RHBDL2: variants seen among roughly 807,000 people sequenced by gnomAD.
The protein encoded by RHBDL2 is rhomboid-related protein 2.
A neutral mutation model predicts 31.7 loss-of-function variants in RHBDL2; 26 were observed. That is an observed-to-expected ratio of 0.82 (90% CI 0.60 to 1.14). RHBDL2 has a LOEUF of 1.14. RHBDL2 is among the 50% of genes most tolerant of loss of function. The pLI is 0.00. For missense variants in RHBDL2, 336 were observed against 364.4 expected (o/e 0.92, Z 0.63); for synonymous variants, 123 against 127.2 (o/e 0.97, Z 0.22).
intron 1 of RHBDL2, among the ~76,000 whole-genome samples, chr1:38,933,027 C>T (rs913418509): frequency 9.2e-5 from 14 of 152,262 alleles, no homozygotes; most frequent in South Asian, 2.1e-4. Flanking sequence ...TATTAACTCT[C>T]GGCTTAAAAA....
chr1:38,921,455 G>T (rs1440825126), intron 1 of RHBDL2, among the ~76,000 whole-genome samples: 2 of 152,160 alleles, frequency 1.3e-5, no homozygotes, highest in Non-Finnish European at 2.9e-5. Flanking sequence ...GCTGTGGATG[G>T]ATGAATGAGT....
chr1:38,927,992 G>A (rs184260958), intron 1 of RHBDL2, among the ~76,000 whole-genome samples: 11 of 152,074 alleles, frequency 7.2e-5, no homozygotes, highest in African/African-American at 2.7e-4. Flanking sequence ...TGATTTCTAC[G>A]CACCAAGTGT....
At chr1:38,936,527 T>C (rs1285827268) in intron 1 of RHBDL2, among the ~76,000 whole-genome samples, 1 of 147,446 alleles carries the variant, frequency 6.8e-6, no homozygotes, top group Non-Finnish European at 1.5e-5. Flanking sequence ...CAAGATGGAG[T>C]TTTGCTCTTG....
intron 4 of RHBDL2, among the ~76,000 whole-genome samples, chr1:38,901,052 T>G (rs1326402126): frequency 2.3e-5 from 1 of 44,052 alleles, no homozygotes; most frequent in African/African-American, 1.2e-4. Context: ...CATCTCTAAA[T>G]AGATAAATAA....
intron 4 of RHBDL2, among the ~76,000 whole-genome samples, chr1:38,897,325 C>T (rs1255144311): frequency 1.3e-5 from 2 of 152,180 alleles, no homozygotes; most frequent in Non-Finnish European, 2.9e-5. Context: ...TGGTCTCGAT[C>T]TCCTGACCTC....
At chr1:38,892,070 C>G (rs1481296671) in intron 6 of RHBDL2, among the ~76,000 whole-genome samples, 7 of 152,212 alleles carry the variant, frequency 4.6e-5, no homozygotes, top group Non-Finnish European at 1.0e-4. Context: ...CCTCTCCAGA[C>G]AGCATTCTTC....
intron 1 of RHBDL2, among the ~76,000 whole-genome samples, chr1:38,919,549 TG>T (rs1401798615): frequency 6.8e-6 from 1 of 147,516 alleles, no homozygotes; most frequent in African/African-American, 2.4e-5. Context: ...TAAATTGTGG[TG>T]AAATACACAT....
At chr1:38,902,247 C>A (rs1445325216) in intron 4 of RHBDL2, among the ~76,000 whole-genome samples, 1 of 133,020 alleles carries the variant, frequency 7.5e-6, no homozygotes, top group African/African-American at 2.7e-5. Flanking sequence ...ACTCTGTCGC[C>A]CAGGCTGGAA....
intron 4 of RHBDL2, among the ~76,000 whole-genome samples, chr1:38,897,222 T>C (rs964446268): frequency 2.6e-5 from 4 of 151,778 alleles, no homozygotes; most frequent in African/African-American, 9.7e-5. Flanking sequence ...TGCCTCAGCC[T>C]CCCGAGCAGC....
chr1:38,898,579 G>A (rs1642947748), intron 4 of RHBDL2, among the ~76,000 whole-genome samples: 1 of 152,148 alleles, frequency 6.6e-6, no homozygotes, highest in South Asian at 2.1e-4. Context: ...CAGGGAATCA[G>A]TTATTAATAG....
chr1:38,933,802 C>T (rs1466529935), intron 1 of RHBDL2, among the ~76,000 whole-genome samples: 2 of 150,816 alleles, frequency 1.3e-5, no homozygotes, highest in African/African-American at 4.9e-5. Flanking sequence ...AATCTTGGCT[C>T]ACTGCAACAT....
At chr1:38,894,707 C>CTTTTTTTTTTTTTTTTTTTTTT (rs71057159) in intron 5 of RHBDL2, among the ~76,000 whole-genome samples, 3 of 114,192 alleles carry the variant, frequency 2.6e-5, no homozygotes, top group Non-Finnish European at 3.4e-5. Context: ...CTTTTTTTTT[C>CTTTTTTTTTTTTTTTTTTTTTT]TTTTTTTTTT....
At position 38,926,325 on chromosome 1, in the gene RHBDL2, T is replaced by G. The variant is rs12404998; in HGVS notation, c.-125-6988A>C. On this transcript the variant is annotated intron_variant, in intron 1 of 7. Transcript: ENST00000372990. ...GTGGCTGTGACAAAGGCAGCAGCACTGGGCGTTCAGCAGCAGCAGCACTGA... is the reference window on the plus strand; with the variant it reads ...GTGGCTGTGACAAAGGCAGCAGCACGGGGCGTTCAGCAGCAGCAGCACTGA... The G allele has an allele frequency of 2.9e-3, 1,307 of 458,086 alleles. 41 individuals carry two copies. In the Admixed American group the frequency reaches 0.067, roughly 23 times the overall value. 28.4% of individuals were successfully genotyped at this position (458,086 alleles called of 1,614,324 possible).
intron 1 of RHBDL2, among the ~76,000 whole-genome samples, chr1:38,941,151 T>C (rs1290884414): frequency 6.6e-6 from 1 of 152,100 alleles, no homozygotes; most frequent in African/African-American, 2.4e-5. Context: ...AAATGAACAC[T>C]AATGAATAAA....
chr1:38,929,680 TG>T, intron 1 of RHBDL2: 4 of 708,202 alleles, frequency 5.6e-6, no homozygotes, highest in Non-Finnish European at 5.2e-6. Flanking sequence ...GCTGCCCAGC[TG>T]GGGCTGCCAG....
intron 1 of RHBDL2, chr1:38,926,220 T>A (rs1643373031): frequency 2.7e-6 from 3 of 1,105,738 alleles, no homozygotes; most frequent in Non-Finnish European, 3.3e-6. Flanking sequence ...TTTACAGTGG[T>A]TGCAGCAGTG....
chr1:38,891,879 C>G (rs1354377861), intron 6 of RHBDL2, among the ~76,000 whole-genome samples: 3 of 152,192 alleles, frequency 2.0e-5, no homozygotes, highest in Admixed American at 6.5e-5. Flanking sequence ...CCTTGGCTTT[C>G]AGGTCTGACC....
intron 4 of RHBDL2, among the ~76,000 whole-genome samples, chr1:38,910,869 C>G (rs1176960006): frequency 6.6e-6 from 1 of 151,492 alleles, no homozygotes; most frequent in African/African-American, 2.4e-5. Context: ...ATCTCCGCCC[C>G]CTAGGTTCAA....
chr1:38,896,033 T>C lies in RHBDL2; in HGVS notation c.545A>G (p.Tyr182Cys). 6.2e-7 allele frequency: 1 copy of C among 1,613,870 alleles called. No homozygotes were observed. Among genetic ancestry groups the C allele is most frequent in the Non-Finnish European group, 8.5e-7 (1 of 1,179,874 alleles). Residue 182 changes from tyrosine (Y) to cysteine (C), a missense_variant, in exon 5 of 8, where the codon TAT becomes TGT. By Grantham distance (194) the Tyr-to-Cys change is radical (BLOSUM62 -2). Transcript: ENST00000372990. ...GACTCCTCCTGAAGCTCCCACAAGATATCTGAGTGGGTCAAAGATGGAGCT... is the reference window on the plus strand; with the variant it reads ...GACTCCTCCTGAAGCTCCCACAAGACATCTGAGTGGGTCAAAGATGGAGCT... ...LASSIFDPLR[Y>C]LVGASGGVYA...
Sources: gnomAD v4.1 joint callset for allele counts (sites outside exome capture counted in the v4.1 genomes callset) on GRCh38, gnomAD v4.1.1 for gene constraint, MANE v1.5 for transcripts, NCBI Gene and HGNC (gene_info 2026-07-23, HGNC 2026-07-21) for gene names.